Variants in CSPP1 observed in about 807,000 individuals in gnomAD.
CSPP1 encodes centrosome and spindle pole-associated protein 1.
CSPP1 carries 126 observed loss-of-function variants against 164.4 expected under a neutral mutation model. The observed-to-expected ratio is 0.77, with a 90% CI of 0.66 to 0.89. CSPP1 has a LOEUF of 0.89. Ranked by LOEUF, CSPP1 falls within the 40% of genes least tolerant of loss-of-function variation. The pLI is 0.00. For missense variants in CSPP1, 1,395 were observed against 1,449.8 expected, an observed-to-expected ratio of 0.96 and a Z score of 0.61; for synonymous variants, 472 against 476.7, an observed-to-expected ratio of 0.99 and a Z score of 0.13.
At chr8:67,103,555 G>A (rs1162953143) in intron 8 of CSPP1, among the ~76,000 whole-genome samples, 2 of 151,770 alleles carry the variant, frequency 1.3e-5, no homozygotes, top group African/African-American at 2.4e-5. Flanking sequence ...AGCATTTTGG[G>A]AAGCCGATGC....
At chr8:67,146,342 C>T (rs975640702) in intron 17 of CSPP1, among the ~76,000 whole-genome samples, 1 of 151,846 alleles carries the variant, frequency 6.6e-6, no homozygotes, top group African/African-American at 2.4e-5. Context: ...CAGCTGGTCT[C>T]AAACTCCTGG....
intron 29 of CSPP1, among the ~76,000 whole-genome samples, chr8:67,192,403 T>C (rs903285737): frequency 2.0e-5 from 3 of 152,192 alleles, no homozygotes; most frequent in Non-Finnish European, 4.4e-5. Flanking sequence ...TGAATTGTCT[T>C]TTTATTGAGT....
In CSPP1 at chr8:67,195,517, T is replaced by C. The variant is rs1236206063; in HGVS notation, c.3605T>C (p.Leu1202Pro). The C allele has an allele frequency of 4.3e-6, 7 of 1,614,088 alleles. No individual in the cohort carries two copies. In the South Asian group the frequency reaches 6.6e-5, roughly 15 times the overall value. The stretch of plus-strand genomic sequence containing the variant: ...CTGAAACGTTTCATGGCAGAGCAGC[T>C]GAACCAGGAGCAGCAGCAGATTCCT... ...ETLKRFMAEQLNQEQQQIPGK... is the reference protein window; with the variant it reads ...ETLKRFMAEQPNQEQQQIPGK... Residue 1202 changes from leucine (L) to proline (P), a missense_variant, in exon 31 of 31, where the codon CTG becomes CCG. Leu to Pro is a moderately conservative substitution (Grantham distance 98, BLOSUM62 -3). Coordinates refer to ENST00000678616, the MANE Select transcript of CSPP1 (RefSeq NM_001382391.1).
intron 1 of CSPP1, among the ~76,000 whole-genome samples, chr8:67,070,786 TGC>T (rs1806609022): frequency 6.6e-6 from 1 of 151,498 alleles, no homozygotes; most frequent in South Asian, 2.1e-4. Context: ...CTTGCTCTGT[TGC>T]CCAGGCTGGA....
chr8:67,069,396 T>G (rs1384593490), intron 1 of CSPP1, among the ~76,000 whole-genome samples: 2 of 152,246 alleles, frequency 1.3e-5, no homozygotes, highest in Non-Finnish European at 2.9e-5. Context: ...TATGTTTTAT[T>G]TGTACTTTTT....
intron 10 of CSPP1, among the ~76,000 whole-genome samples, chr8:67,113,224 G>C (rs1219668055): frequency 6.6e-6 from 1 of 152,092 alleles, no homozygotes; most frequent in South Asian, 2.1e-4. Flanking sequence ...CAGCCTGGGC[G>C]ACAGGGTGAG....
intron 6 of CSPP1, among the ~76,000 whole-genome samples, chr8:67,093,946 GT>G (rs1157779649): frequency 6.6e-6 from 1 of 150,922 alleles, no homozygotes; most frequent in Non-Finnish European, 1.5e-5. Flanking sequence ...AGCTATGTTT[GT>G]TTTTTTCAAA....
intron 24 of CSPP1, among the ~76,000 whole-genome samples, chr8:67,164,945 C>T (rs1829021024): frequency 6.6e-6 from 1 of 152,140 alleles, no homozygotes; most frequent in African/African-American, 2.4e-5. Context: ...TTCTTTCTTT[C>T]TCTTTTTAAA....
intron 10 of CSPP1, among the ~76,000 whole-genome samples, 169 bp downstream of exon 10, chr8:67,112,234 GTTTTTTT>G (rs375921547): frequency 3.2e-5 from 4 of 123,090 alleles, no homozygotes; most frequent in East Asian, 2.5e-4. Flanking sequence ...TACTAAGAGA[GTTTTTTT>G]TTTTTTTTTT....
Position 67,112,016 on chromosome 8 carries a change from A to C in CSPP1, c.1138A>C (p.Arg380=). The stretch of plus-strand genomic sequence containing the variant: ...TATTCAGAGAAGGAAAGAGAAATAC[A>C]GACTAGAACTGTTGGAACAAATGGC... ...ELIQRRKEKY[R]LELLEQMAEQ... The change falls in exon 10 of 31, where the codon AGA becomes CGA. Residue 380 remains arginine (R), a synonymous_variant. Transcript: ENST00000678616. The C allele has an allele frequency of 6.2e-7, 1 of 1,612,276 alleles. No homozygotes were observed. Among genetic ancestry groups the C allele is most frequent in the Non-Finnish European group, 8.5e-7 (1 of 1,179,046 alleles).
intron 15 of CSPP1, among the ~76,000 whole-genome samples, chr8:67,120,500 A>G (rs1267730576): frequency 6.6e-6 from 1 of 152,192 alleles, no homozygotes; most frequent in Non-Finnish European, 1.5e-5. Flanking sequence ...AACATAAGAT[A>G]TATGTCCATT....
At position 67,154,060 on chromosome 8, in the gene CSPP1, G is replaced by T; in HGVS notation, c.2165G>T (p.Gly722Val). The change falls in exon 19 of 31, where the codon GGA becomes GTA. Residue 722 changes from glycine to valine, a missense_variant. Physicochemically the swap from Gly to Val is moderately radical, Grantham distance 109. Transcript: ENST00000678616. ...MQTQSSPFAR[G>V]NVFGEPPTEL... ...ACACAGAGCTCTCCTTTTGCTCGGGGAAATGTATTTGGTGAGCCTCCAACT... is the reference window on the plus strand; with the variant it reads ...ACACAGAGCTCTCCTTTTGCTCGGGTAAATGTATTTGGTGAGCCTCCAACT... 1 of 1,606,618 alleles carries T rather than the reference G, an allele frequency of 6.2e-7. No homozygotes were observed. The highest frequency in any genetic ancestry group is 8.5e-7 in the Non-Finnish European group (1 of 1,174,258).
intron 30 of CSPP1, among the ~76,000 whole-genome samples, chr8:67,193,862 C>A (rs549589083): frequency 6.6e-6 from 1 of 152,184 alleles, no homozygotes; most frequent in Non-Finnish European, 1.5e-5. Context: ...TAAACATATC[C>A]AGGCTTTGCT....
chr8:67,068,504 A>G (rs1281953674), intron 1 of CSPP1, among the ~76,000 whole-genome samples: 2 of 152,128 alleles, frequency 1.3e-5, no homozygotes, highest in Admixed American at 1.3e-4. Context: ...CTTTCAGCTG[A>G]TTTATTTTTG....
intron 2 of CSPP1, 48 bp from the exon 3 acceptor site, chr8:67,076,434 A>C: frequency 9.2e-7 from 1 of 1,085,800 alleles, no homozygotes; most frequent in Non-Finnish European, 1.3e-6. Flanking sequence ...TGTATATTTC[A>C]TGGTTTTTTT....
At chr8:67,098,645 T>G (rs1250660047) in intron 7 of CSPP1, among the ~76,000 whole-genome samples, 1 of 152,026 alleles carries the variant, frequency 6.6e-6, no homozygotes, top group Non-Finnish European at 1.5e-5. Context: ...TTTAGGAGCT[T>G]TCTAAAGTAG....
chr8:67,146,828 T>G (rs556339398), intron 17 of CSPP1, among the ~76,000 whole-genome samples: 4 of 152,350 alleles, frequency 2.6e-5, no homozygotes, highest in Admixed American at 2.6e-4. Context: ...ATATTGAATG[T>G]TATGATGATT....
rs754938011 is a variant in CSPP1, at chr8:67,064,527, G to C, written c.-22G>C. On this transcript the variant is annotated 5_prime_UTR_variant, in exon 1 of 31. Transcript: ENST00000678616. ...AGTCAGCCAGCCGCGGATGGGGAGC[G>C]TGAGTGGCGAGGTGTGGCCTGGGGT... The C allele has an allele frequency of 1.9e-5, 30 of 1,610,846 alleles. No individual in the cohort carries two copies. Among genetic ancestry groups the C allele is most frequent in the Non-Finnish European group, 2.5e-5 (29 of 1,179,000 alleles).
chr8:67,083,531 C>CAAAAAAAAAAAAAA (rs1171275894), intron 3 of CSPP1, among the ~76,000 whole-genome samples: 21 of 71,848 alleles, frequency 2.9e-4, no homozygotes, highest in Middle Eastern at 9.6e-3. Context: ...GACTTTGTCT[C>CAAAAAAAAAAAAAA]AAAAAAAAAA....
Sources: allele counts gnomAD v4.1 joint callset (sites outside exome capture counted in the v4.1 genomes callset), GRCh38; gene constraint gnomAD v4.1.1; transcripts MANE v1.5; gene names NCBI Gene and HGNC (gene_info 2026-07-23, HGNC 2026-07-21).